Variants in PCDH15 observed in about 807,000 individuals in gnomAD.
PCDH15 encodes the protein protocadherin related 15.
A neutral mutation model predicts 178.5 loss-of-function variants in PCDH15; 129 were observed. The ratio of observed to expected loss-of-function variants is 0.72; its 90% CI spans 0.63 to 0.84. PCDH15 has a LOEUF of 0.84. Ranked by LOEUF, PCDH15 falls within the 40% of genes least tolerant of loss-of-function variation. PCDH15 has a pLI of 0.00. For missense variants in PCDH15, 2,230 were observed against 2,099.9 expected, an observed-to-expected ratio of 1.06 and a Z score of -1.21; for synonymous variants, 800 against 732.0, an observed-to-expected ratio of 1.09 and a Z score of -1.50.
rs185351621 is a variant in PCDH15, at chr10:55,370,447, T to C, written c.-155-203796A>G. Among the ~76,000 whole-genome samples, 58 of 152,196 alleles carry C rather than the reference T, an allele frequency of 3.8e-4. 1 individual carries two copies. The highest frequency in any genetic ancestry group is 1.1e-3 in the African/African-American group (47 of 41,578). ...TGTGCATTTCTTTTTGACAGCCAAA[T>C]TGAAATATGCCTTTTTCTGAATTTA... On this transcript the variant is annotated intron_variant, in intron 2 of 5. Coordinates refer to the PCDH15 transcript ENST00000613346.
At chr10:54,125,869 AC>A (rs1256895235) in intron 15 of PCDH15, among the ~76,000 whole-genome samples, 5 of 152,056 alleles carry the variant, frequency 3.3e-5, no homozygotes, top group African/African-American at 1.2e-4. Flanking sequence ...ATTGCAATTG[AC>A]CCTTTTTTCT....
At chr10:54,675,652 T>A (rs574557233) in intron 1 of PCDH15, among the ~76,000 whole-genome samples, 10 of 152,254 alleles carry the variant, frequency 6.6e-5, no homozygotes, top group African/African-American at 2.4e-4. Flanking sequence ...CAAGTATAGG[T>A]CAAATATTTT....
rs760664362 is a variant in PCDH15, at chr10:55,551,797, G to A, written c.-156+75828C>T. Among the ~76,000 whole-genome samples the A allele has an allele frequency of 7.7e-4, 116 of 151,602 alleles. 1 individual carries two copies. Among genetic ancestry groups the A allele is most frequent in the Middle Eastern group, 3.5e-3 (1 of 288 alleles). On this transcript the variant is annotated intron_variant, in intron 2 of 5. Transcript: ENST00000613346. Reference sequence around the variant, plus strand: ...CATGTAATGAGTATGTACATATTGCGAAATCAAAGAGGAATAATGTGACTT... The same window carrying A: ...CATGTAATGAGTATGTACATATTGCAAAATCAAAGAGGAATAATGTGACTT...
chr10:53,953,895 T>C (rs1235351521), intron 23 of PCDH15, among the ~76,000 whole-genome samples: 2 of 152,136 alleles, frequency 1.3e-5, no homozygotes, highest in Non-Finnish European at 2.9e-5. Context: ...GTTCATGCCA[T>C]TCTTCTGCCT....
At chr10:54,707,860 T>C (rs2095381781) in intron 1 of PCDH15, among the ~76,000 whole-genome samples, 1 of 152,148 alleles carries the variant, frequency 6.6e-6, no homozygotes, top group African/African-American at 2.4e-5. Flanking sequence ...AAAGAGATCA[T>C]TTTAAGAAGG....
chr10:54,571,855 A>T (rs556736537), intron 2 of PCDH15, among the ~76,000 whole-genome samples: 1 of 152,316 alleles, frequency 6.6e-6, no homozygotes, highest in South Asian at 2.1e-4. Context: ...AATTCTATAC[A>T]TCAAAAATTG....
chr10:53,925,262 C>T (rs2084417083), intron 25 of PCDH15, among the ~76,000 whole-genome samples: 1 of 152,098 alleles, frequency 6.6e-6, no homozygotes, highest in Non-Finnish European at 1.5e-5. Context: ...GACCACGAAC[C>T]CACTGGGTAG....
At chr10:55,517,246 G>A (rs1005591814) in intron 2 of PCDH15, among the ~76,000 whole-genome samples, 1 of 152,060 alleles carries the variant, frequency 6.6e-6, no homozygotes, top group Non-Finnish European at 1.5e-5. Flanking sequence ...CAACATTGAT[G>A]TTTGTTGTTG....
In PCDH15 at chr10:54,741,571, T is replaced by C. The variant is rs144290977; in HGVS notation, c.-29+59354A>G. 3.3e-5 allele frequency among the ~76,000 whole-genome samples: 5 copies of C among 152,110 alleles called. No individual in the cohort carries two copies. The East Asian group carries it at 9.7e-4, about 29-fold the overall frequency. Reference sequence around the variant, plus strand: ...AAACAACACAAATGTATCTTATAATTTTGGAAGTCAGAAGTAAAAAATAGG... The same window carrying C: ...AAACAACACAAATGTATCTTATAATCTTGGAAGTCAGAAGTAAAAAATAGG... On this transcript the variant is annotated intron_variant, in intron 1 of 37. Coordinates refer to ENST00000644397, the MANE Select transcript of PCDH15 (RefSeq NM_001384140.1).
intron 1 of PCDH15, among the ~76,000 whole-genome samples, chr10:55,205,139 G>T: frequency 6.6e-6 from 1 of 151,932 alleles, no homozygotes; most frequent in East Asian, 1.9e-4. Context: ...GTATGATAGA[G>T]AAGTGATAAA....
At chr10:54,416,493 T>C (rs1276852486) in intron 3 of PCDH15, among the ~76,000 whole-genome samples, 1 of 152,152 alleles carries the variant, frequency 6.6e-6, no homozygotes, top group Non-Finnish European at 1.5e-5. Context: ...CCTTGGTGTA[T>C]ATGTACCACA....
At chr10:54,112,361 G>A (rs1291040951) in intron 15 of PCDH15, among the ~76,000 whole-genome samples, 3 of 151,484 alleles carry the variant, frequency 2.0e-5, no homozygotes, top group Non-Finnish European at 4.4e-5. Context: ...CCCCAGTCAT[G>A]ATAAACAAAA....
chr10:55,315,133 T>C (rs1418631628), intron 1 of PCDH15, among the ~76,000 whole-genome samples: 1 of 152,136 alleles, frequency 6.6e-6, no homozygotes, highest in Non-Finnish European at 1.5e-5. Context: ...TTATTTGTCA[T>C]ATACTTACTG....
At chr10:55,036,273 T>C (rs1327461212) in intron 2 of PCDH15, among the ~76,000 whole-genome samples, 2 of 152,186 alleles carry the variant, frequency 1.3e-5, no homozygotes, top group South Asian at 2.1e-4. Context: ...AATCAATAAA[T>C]TTCTGTTAAT....
chr10:53,938,835 T>C lies in PCDH15; in HGVS notation c.3353A>G (p.Asn1118Ser), dbSNP rs544044508. The change falls in exon 25 of 38, where the codon AAT (asparagine) becomes AGT (serine). Residue 1118 changes from asparagine (N) to serine (S), a missense_variant. Asn to Ser is a conservative substitution (Grantham distance 46, BLOSUM62 1). Coordinates refer to ENST00000644397, the MANE Select transcript of PCDH15 (RefSeq NM_001384140.1). ...QADSLEVVLA[N>S]LRVPSKSNTA... ...CTTACTTTTTGAAGGAACTCGGAGA[T>C]TGGCAAGGACCACTTCCAGGGAATC... 1.2e-6 allele frequency: 2 copies of C among 1,613,438 alleles called. No homozygotes were observed. Among genetic ancestry groups the C allele is most frequent in the East Asian group, 2.2e-5 (1 of 44,840 alleles).
chr10:54,512,795 T>C lies in PCDH15; in HGVS notation c.157+15017A>G, dbSNP rs965634433. On this transcript the variant is annotated intron_variant, in intron 3 of 37. Coordinates refer to ENST00000644397, the MANE Select transcript of PCDH15 (RefSeq NM_001384140.1). Reference sequence around the variant, plus strand: ...ATTTTCTTTAATTCAAAATATTATATTCTGTCTAATTATACTCTTTAAAAA... The same window carrying C: ...ATTTTCTTTAATTCAAAATATTATACTCTGTCTAATTATACTCTTTAAAAA... 3.3e-5 allele frequency among the ~76,000 whole-genome samples: 5 copies of C among 152,292 alleles called. No individual in the cohort carries two copies. In the South Asian group the frequency reaches 6.2e-4, roughly 19 times the overall value.
chr10:55,147,127 A>G (rs1017512655), intron 2 of PCDH15, among the ~76,000 whole-genome samples: 2 of 151,566 alleles, frequency 1.3e-5, no homozygotes, highest in Middle Eastern at 3.2e-3. Flanking sequence ...ATGATTAATG[A>G]AAGAAGATAT....
intron 15 of PCDH15, 60 bp from the exon 16 acceptor site, chr10:54,090,123 G>C (rs1372548561): frequency 3.9e-6 from 5 of 1,290,132 alleles, no homozygotes; most frequent in African/African-American, 1.5e-5. Flanking sequence ...ACTCATTACA[G>C]AGTAATATAA....
intron 8 of PCDH15, among the ~76,000 whole-genome samples, chr10:54,298,531 G>C (rs1355560761): frequency 1.3e-5 from 2 of 152,182 alleles, no homozygotes; most frequent in African/African-American, 4.8e-5. Context: ...CTTAAAAAAG[G>C]TTGTCCAATG....
Sources: allele counts gnomAD v4.1 joint callset (sites outside exome capture counted in the v4.1 genomes callset), GRCh38; gene constraint gnomAD v4.1.1; transcripts MANE v1.5; gene names NCBI Gene and HGNC (gene_info 2026-07-23, HGNC 2026-07-21).